The following PPP6R3 variants were observed in gnomAD, a reference collection of about 807,000 sequenced individuals.
The protein encoded by PPP6R3 is serine/threonine-protein phosphatase 6 regulatory subunit 3.
Under a neutral mutation model 110.7 loss-of-function variants are expected in PPP6R3, and 38 were observed. That is an observed-to-expected ratio of 0.34 (90% confidence interval 0.26 to 0.45). The LOEUF (loss-of-function observed/expected upper bound fraction) is 0.45, where lower values mean the gene tolerates loss of function less well. Among genes scored for constraint, PPP6R3 ranks in the 20% least tolerant of loss-of-function variants. The pLI, the probability that PPP6R3 is intolerant of heterozygous loss-of-function variation, is 1.00. For missense variants in PPP6R3, 870 were observed against 1,062.4 expected, an observed-to-expected ratio of 0.82 and a Z score of 2.52; for synonymous variants, 369 against 373.5, an observed-to-expected ratio of 0.99 and a Z score of 0.14.
At chr11:68,474,901 C>G (rs529416596) in intron 1 of PPP6R3, among the ~76,000 whole-genome samples, 1 of 151,896 alleles carries the variant, frequency 6.6e-6, no homozygotes, top group African/African-American at 2.4e-5. Context: ...TATTTAACTT[C>G]CTTTTTTTTA....
At chr11:68,589,282 A>C (rs1288248818) in intron 16 of PPP6R3, among the ~76,000 whole-genome samples, 1 of 152,164 alleles carries the variant, frequency 6.6e-6, no homozygotes, top group Non-Finnish European at 1.5e-5. Context: ...ATCACGTTCC[A>C]GCAGATGACC....
chr11:68,575,840 C>T (rs2099528905), intron 13 of PPP6R3, 118 bp from the exon 14 acceptor site: 3 of 655,882 alleles, frequency 4.6e-6, no homozygotes, highest in Non-Finnish European at 8.0e-6. Context: ...GCTGATAGGG[C>T]CTGCTCACCA....
Position 68,527,156 on chromosome 11 carries a change from G to A in PPP6R3, c.-7+7505G>A, listed in dbSNP as rs75923104. 3.8e-3 allele frequency among the ~76,000 whole-genome samples: 577 copies of A among 152,324 alleles called. 4 individuals are homozygous for A. The highest frequency in any genetic ancestry group is 0.014 in the African/African-American group (563 of 41,572). On this transcript the variant is annotated intron_variant, in intron 2 of 23. Transcript: ENST00000393800. ...TACAGCTCCAGAATGAAGAAAAAGTGGAAATTAGACTTGGAGGAGGCAGAA... is the reference window on the plus strand; with the variant it reads ...TACAGCTCCAGAATGAAGAAAAAGTAGAAATTAGACTTGGAGGAGGCAGAA...
At chr11:68,601,475 GT>G (rs1475695379) in intron 20 of PPP6R3, among the ~76,000 whole-genome samples, 1 of 152,210 alleles carries the variant, frequency 6.6e-6, no homozygotes, top group African/African-American at 2.4e-5. Context: ...CTGAAAATAA[GT>G]AAAGGTTTTT....
intron 1 of PPP6R3, among the ~76,000 whole-genome samples, chr11:68,487,323 C>T (rs944961857): frequency 3.9e-5 from 6 of 152,042 alleles, no homozygotes; most frequent in African/African-American, 1.2e-4. Flanking sequence ...GAAGCTGAGG[C>T]GGGCGGATCC....
At chr11:68,531,099 GT>G (rs2099236580) in intron 2 of PPP6R3, among the ~76,000 whole-genome samples, 1 of 152,106 alleles carries the variant, frequency 6.6e-6, no homozygotes. Context: ...GTTTGCACTA[GT>G]ATGCTTTTCC....
chr11:68,479,751 T>C (rs75108768), intron 1 of PPP6R3, among the ~76,000 whole-genome samples: 227 of 152,256 alleles, frequency 1.5e-3, no homozygotes, highest in African/African-American at 5.2e-3. Context: ...TTCTTTCTTT[T>C]TTTTTGAGAC....
chr11:68,581,790 G>A (rs945285745), intron 14 of PPP6R3, among the ~76,000 whole-genome samples: 3 of 152,156 alleles, frequency 2.0e-5, no homozygotes, highest in South Asian at 2.1e-4. Context: ...CCTTGATCAC[G>A]GAATCTACCT....
At chr11:68,583,691 T>G (rs1343969321) in intron 15 of PPP6R3, among the ~76,000 whole-genome samples, 7 of 152,206 alleles carry the variant, frequency 4.6e-5, no homozygotes, top group Admixed American at 3.9e-4. Context: ...GAATAATAAA[T>G]GTACTGATTT....
At chr11:68,512,532 G>T (rs1487079760) in intron 1 of PPP6R3, among the ~76,000 whole-genome samples, 1 of 152,220 alleles carries the variant, frequency 6.6e-6, no homozygotes, top group African/African-American at 2.4e-5. Context: ...TATGTTTTTG[G>T]TTGTGCGTAG....
chr11:68,490,103 C>T (rs2098974513), intron 1 of PPP6R3, among the ~76,000 whole-genome samples: 1 of 152,072 alleles, frequency 6.6e-6, no homozygotes, highest in African/African-American at 2.4e-5. Flanking sequence ...GATCATTTTC[C>T]TTCTTTCTGA....
At chr11:68,466,443 T>C (rs994916938) in intron 1 of PPP6R3, among the ~76,000 whole-genome samples, 1 of 149,868 alleles carries the variant, frequency 6.7e-6, no homozygotes, top group Non-Finnish European at 1.5e-5. Context: ...CTTTTTTTTT[T>C]TTTTTTTTTT....
At chr11:68,534,863 C>G (rs573979856) in intron 2 of PPP6R3, among the ~76,000 whole-genome samples, 2 of 152,278 alleles carry the variant, frequency 1.3e-5, no homozygotes, top group South Asian at 4.2e-4. Flanking sequence ...TATTCTGTGC[C>G]CTCAGACAGC....
intron 23 of PPP6R3, among the ~76,000 whole-genome samples, chr11:68,611,753 T>G (rs1369465179): frequency 6.6e-6 from 1 of 151,980 alleles, no homozygotes; most frequent in Non-Finnish European, 1.5e-5. Flanking sequence ...GAGGTGACGT[T>G]GGAGTGGGCA....
At chr11:68,603,562 A>G (rs2099638315) in intron 22 of PPP6R3, 70 bp downstream of exon 22, 1 of 1,577,206 alleles carries the variant, frequency 6.3e-7, no homozygotes, top group African/African-American at 1.4e-5. Flanking sequence ...AACCTCAAAC[A>G]TTAAAATTTT....
chr11:68,530,478 C>G (rs1236814518), intron 2 of PPP6R3, among the ~76,000 whole-genome samples: 5 of 152,198 alleles, frequency 3.3e-5, no homozygotes, highest in East Asian at 1.9e-4. Context: ...CTATTTTGTT[C>G]TGTTTGTGCT....
At chr11:68,542,454 C>T (rs535037492) in intron 3 of PPP6R3, among the ~76,000 whole-genome samples, 47 of 126,278 alleles carry the variant, frequency 3.7e-4, no homozygotes, top group African/African-American at 1.3e-3. Flanking sequence ...AGTGCAGTGG[C>T]GCAGTCACAG....
At chr11:68,555,796 A>C (rs1485602528) in intron 7 of PPP6R3, among the ~76,000 whole-genome samples, 1 of 152,262 alleles carries the variant, frequency 6.6e-6, no homozygotes, top group African/African-American at 2.4e-5. Flanking sequence ...GTTCAAATAC[A>C]TGGACCTGAT....
chr11:68,491,328 CTGTGTGTGTGTGTGTGTGTGTGTGTG>C (rs60972668), intron 1 of PPP6R3, among the ~76,000 whole-genome samples: 10 of 123,478 alleles, frequency 8.1e-5, no homozygotes, highest in African/African-American at 2.4e-4. Flanking sequence ...GTGTCTTCAG[CTGTGTGTGTGTGTGTGTGTGTGTGTG>C]TGTGTGTGTG....
Sources: gnomAD v4.1 joint callset for allele counts (sites outside exome capture counted in the v4.1 genomes callset) on GRCh38, gnomAD v4.1.1 for gene constraint, MANE v1.5 for transcripts, NCBI Gene and HGNC (gene_info 2026-07-23, HGNC 2026-07-21) for gene names.